Variants in TRMT10B observed in about 807,000 individuals in gnomAD.
TRMT10B encodes tRNA methyltransferase 10 homolog B.
Under a neutral mutation model 43.8 loss-of-function variants are expected in TRMT10B, and 33 were observed. The observed-to-expected ratio is 0.75, with a 90% CI of 0.57 to 1.01. The LOEUF is 1.01. TRMT10B is among the 50% of genes least tolerant of loss of function. TRMT10B has a pLI of 0.00. For synonymous variants in TRMT10B, 137 were observed against 130.6 expected (o/e 1.05, Z -0.34); for missense variants, 362 against 369.8 (o/e 0.98, Z 0.17).
chr9:37,753,374 A>G (rs564715614), upstream of TRMT10B, among the ~76,000 whole-genome samples: 11 of 152,334 alleles, frequency 7.2e-5, no homozygotes, highest in South Asian at 2.1e-3. Flanking sequence ...GGGATGGGAT[A>G]TAATATCAGT....
At chr9:37,757,376 A>G (rs1825840901) in intron 1 of TRMT10B, among the ~76,000 whole-genome samples, 1 of 152,190 alleles carries the variant, frequency 6.6e-6, no homozygotes, top group Non-Finnish European at 1.5e-5. Context: ...GCGCCCAGCC[A>G]GCTTGGTATT....
intron 1 of TRMT10B, among the ~76,000 whole-genome samples, chr9:37,760,053 C>T (rs779572285): frequency 1.4e-4 from 22 of 151,944 alleles, no homozygotes; most frequent in East Asian, 3.9e-4. Flanking sequence ...AGGCCAGGTG[C>T]GGTGGTTCAC....
chr9:37,760,675 AC>A (rs5897698), intron 1 of TRMT10B, among the ~76,000 whole-genome samples: 23,736 of 152,240 alleles, frequency 0.16, 2,025 homozygotes, highest in East Asian at 0.34. Context: ...GAACTGGTTA[AC>A]AAGGGTTGCC....
chr9:37,768,079 T>G lies in TRMT10B; in HGVS notation c.424T>G (p.Leu142Val). The G allele has an allele frequency of 6.2e-7, 1 of 1,613,784 alleles. No homozygotes were observed. The highest frequency in any genetic ancestry group is 1.1e-5 in the South Asian group (1 of 91,008). ...SMTHYMSKKE[L>V]SRLAGQIRRL... Reference sequence around the variant, plus strand: ...AGTTGTTCTTATTTCTTTGAAGGAATTAAGTAGACTGGCTGGACAGATTCG... The same window carrying G: ...AGTTGTTCTTATTTCTTTGAAGGAAGTAAGTAGACTGGCTGGACAGATTCG... The change falls in exon 5 of 9, where the codon TTA becomes GTA. Residue 142 changes from leucine (L) to valine (V), a missense_variant. Leu to Val is a conservative substitution (Grantham distance 32). Coordinates refer to ENST00000297994, the MANE Select transcript of TRMT10B (RefSeq NM_144964.4).
rs1471070580 is a variant in TRMT10B, at chr9:37,763,151, A to AC, written c.295+466_295+467insC. On this transcript the variant is annotated intron_variant, in intron 3 of 8. Transcript: ENST00000297994. ...AGAGTGAGACTCTGTCTCAAAAAAA[A>AC]AAAAAAAAAAAAAACAAAAAAAAAA... 1.3e-4 allele frequency among the ~76,000 whole-genome samples: 18 copies of AC among 141,892 alleles called. 2 individuals carry two copies. The highest frequency in any genetic ancestry group is 1.2e-3 in the East Asian group (6 of 5,062). The allele number at this position is 141,892 out of a possible 152,430, so 93.1% of individuals were successfully genotyped here.
At chr9:37,764,315 A>ATTT (rs753115932) in intron 4 of TRMT10B, among the ~76,000 whole-genome samples, 1,589 of 110,486 alleles carry the variant, frequency 0.014, 19 homozygotes, top group Admixed American at 0.018. Flanking sequence ...CGCCTGACAA[A>ATTT]TTTTTTTTTT....
chr9:37,753,925 G>C (rs1034519254), intron 1 of TRMT10B, 73 bp downstream of exon 1: 1 of 152,402 alleles, frequency 6.6e-6, no homozygotes, highest in Non-Finnish European at 1.5e-5. Context: ...CCTCCCTCGC[G>C]GGTGGGGCGG....
At chr9:37,754,016 G>T (rs1051878152) in intron 1 of TRMT10B, among the ~76,000 whole-genome samples, 164 bp downstream of exon 1, 4 of 152,224 alleles carry the variant, frequency 2.6e-5, no homozygotes, top group African/African-American at 9.6e-5. Flanking sequence ...GCTTCCACTC[G>T]CACGCTCAGC....
intron 5 of TRMT10B, among the ~76,000 whole-genome samples, chr9:37,768,985 GTTC>G (rs1191518096): frequency 4.6e-5 from 7 of 151,978 alleles, no homozygotes; most frequent in African/African-American, 1.7e-4. Context: ...TCAGCTTTGA[GTTC>G]TTCTCCTTTT....
chr9:37,765,251 C>T (rs1377362692), intron 4 of TRMT10B, among the ~76,000 whole-genome samples: 2 of 152,124 alleles, frequency 1.3e-5, no homozygotes, highest in Non-Finnish European at 2.9e-5. Flanking sequence ...TCCCCCCGTC[C>T]CCCGACCCCA....
At chr9:37,767,440 G>A (rs1379389755) in intron 4 of TRMT10B, 1 of 135,450 alleles carries the variant, frequency 7.4e-6, no homozygotes, top group Non-Finnish European at 1.5e-5. Context: ...TTGAGCCCAG[G>A]AATTTGAGGC....
At chr9:37,773,638 A>T (rs1827818684) in intron 7 of TRMT10B, among the ~76,000 whole-genome samples, 1 of 152,216 alleles carries the variant, frequency 6.6e-6, no homozygotes, top group Admixed American at 6.5e-5. Flanking sequence ...GATCGATACC[A>T]TCCTGGCCAA....
intron 1 of TRMT10B, among the ~76,000 whole-genome samples, chr9:37,754,576 G>A (rs958781690): frequency 2.0e-5 from 3 of 152,124 alleles, no homozygotes; most frequent in African/African-American, 7.2e-5. Context: ...TACTGAGGGT[G>A]TACAGGTGAA....
intron 1 of TRMT10B, among the ~76,000 whole-genome samples, chr9:37,754,317 CTG>C (rs1400539433): frequency 6.6e-6 from 1 of 152,140 alleles, no homozygotes; most frequent in Non-Finnish European, 1.5e-5. Flanking sequence ...GGAAGGTAGT[CTG>C]TGAGTGTCTT....
chr9:37,764,790 T>A (rs1311086141), intron 4 of TRMT10B, among the ~76,000 whole-genome samples: 2 of 151,934 alleles, frequency 1.3e-5, no homozygotes, highest in African/African-American at 2.4e-5. Context: ...CACACTAGAG[T>A]TCTGGGAATG....
chr9:37,756,961 G>A (rs992650256), intron 1 of TRMT10B, among the ~76,000 whole-genome samples: 1 of 151,282 alleles, frequency 6.6e-6, no homozygotes, highest in Admixed American at 6.6e-5. Context: ...CTGAGGCCAG[G>A]AGTTCGATAC....
At chr9:37,762,771 ATAAG>A (rs1383119829) in intron 3 of TRMT10B, 86 bp downstream of exon 3, 2 of 1,439,906 alleles carry the variant, frequency 1.4e-6, no homozygotes, top group African/African-American at 2.9e-5. Context: ...GGAATTTTGT[ATAAG>A]TAAAAAGCAT....
chr9:37,755,128 C>T (rs955465599), intron 1 of TRMT10B, among the ~76,000 whole-genome samples: 8 of 152,076 alleles, frequency 5.3e-5, no homozygotes, highest in Admixed American at 6.6e-5. Context: ...AAAATCTAGC[C>T]GGACATGGTG....
At chr9:37,768,289 AT>A (rs761606274) in intron 5 of TRMT10B, 61 bp downstream of exon 5, 8,363 of 1,339,710 alleles carry the variant, frequency 6.2e-3, no homozygotes, top group South Asian at 8.4e-3. Context: ...GGTTAATAGT[AT>A]TTTTTTTTTA....
Sources: allele counts gnomAD v4.1 joint callset (sites outside exome capture counted in the v4.1 genomes callset), GRCh38; gene constraint gnomAD v4.1.1; transcripts MANE v1.5; gene names NCBI Gene and HGNC (gene_info 2026-07-23, HGNC 2026-07-21).